Variants in NCAM2 observed in about 807,000 individuals in gnomAD.
NCAM2 encodes the protein neural cell adhesion molecule 2, also known as N-CAM-2.
In NCAM2, 30 loss-of-function variants were observed where a neutral mutation model predicts 98.1. The observed-to-expected ratio is 0.31, with a 90% CI of 0.23 to 0.41. NCAM2 has a LOEUF of 0.41. Among genes scored for constraint, NCAM2 ranks in the 10% least tolerant of loss-of-function variants. The probability of loss-of-function intolerance (pLI) is 1.00; values close to 1 mark genes in which losing one functional copy is unlikely to be tolerated. For synonymous variants in NCAM2, 368 were observed against 342.4 expected (o/e 1.07, Z -0.83); for missense variants, 867 against 1,005.8 (o/e 0.86, Z 1.87).
chr21:21,105,431 T>C (rs989372974), intron 1 of NCAM2, among the ~76,000 whole-genome samples: 1 of 151,948 alleles, frequency 6.6e-6, no homozygotes, highest in Admixed American at 6.6e-5. Flanking sequence ...TTGATTAGAG[T>C]AGAACAGCCA....
intron 16 of NCAM2, among the ~76,000 whole-genome samples, chr21:21,516,919 T>G (rs1243605615): frequency 1.3e-5 from 2 of 152,186 alleles, no homozygotes; most frequent in Non-Finnish European, 2.9e-5. Context: ...TTCTCTTTCT[T>G]TATGTATAAT....
rs180964316 is a variant in NCAM2, at chr21:21,130,392, A to G, written c.55+131774A>G. On this transcript the variant is annotated intron_variant, in intron 1 of 17. Transcript: ENST00000400546. Reference sequence around the variant, plus strand: ...AACATTTCTTTTTTAAGGAATTTTTAGTCAATACTGGCAGTCCTCAAAGAT... The same window carrying G: ...AACATTTCTTTTTTAAGGAATTTTTGGTCAATACTGGCAGTCCTCAAAGAT... Among the ~76,000 whole-genome samples the G allele has an allele frequency of 8.5e-5, 13 of 152,252 alleles. No homozygotes were observed. In the East Asian group the frequency reaches 2.5e-3, roughly 29 times the overall value.
chr21:21,249,446 C>A (rs2147279117), intron 1 of NCAM2, among the ~76,000 whole-genome samples: 1 of 152,276 alleles, frequency 6.6e-6, no homozygotes, highest in East Asian at 1.9e-4. Context: ...CCAACCAGGG[C>A]AGTTAGTTCG....
At chr21:21,219,852 G>A (rs1009546914) in intron 1 of NCAM2, among the ~76,000 whole-genome samples, 1 of 152,154 alleles carries the variant, frequency 6.6e-6, no homozygotes. Flanking sequence ...GTAAAAGACA[G>A]TGATATTGAT....
chr21:21,253,524 A>G (rs567937402), intron 1 of NCAM2, among the ~76,000 whole-genome samples: 2 of 152,262 alleles, frequency 1.3e-5, no homozygotes, highest in East Asian at 3.9e-4. Flanking sequence ...GGACACAGCT[A>G]GAAGGCTCCA....
intron 1 of NCAM2, among the ~76,000 whole-genome samples, chr21:21,279,507 T>C (rs559071180): frequency 1.3e-5 from 2 of 152,210 alleles, no homozygotes; most frequent in South Asian, 4.1e-4. Context: ...TACAGGCTTC[T>C]GCCACCACAC....
chr21:21,305,536 A>G (rs1446773218), intron 5 of NCAM2, among the ~76,000 whole-genome samples: 2 of 151,874 alleles, frequency 1.3e-5, no homozygotes, highest in Non-Finnish European at 2.9e-5. Flanking sequence ...ATGTTTTTAG[A>G]TATAGGCTTT....
At chr21:21,191,996 C>T (rs1396018273) in intron 1 of NCAM2, among the ~76,000 whole-genome samples, 6 of 151,960 alleles carry the variant, frequency 3.9e-5, no homozygotes, top group African/African-American at 9.7e-5. Context: ...CCGAGGCAGG[C>T]GGATCACCTG....
Position 21,222,310 on chromosome 21 carries a change from A to G in NCAM2, c.56-58268A>G, listed in dbSNP as rs186384368. Among the ~76,000 whole-genome samples the G allele has an allele frequency of 1.6e-3, 251 of 152,286 alleles. 2 individuals are homozygous for G. The highest frequency in any genetic ancestry group is 5.7e-3 in the African/African-American group (238 of 41,564). ...GATCAAGCAGTAATCTCAACTTTCA[A>G]GTCTTATTATTAAAGCAATACATTT... On this transcript the variant is annotated intron_variant, in intron 1 of 17. Coordinates refer to ENST00000400546, the MANE Select transcript of NCAM2 (RefSeq NM_004540.5).
chr21:21,363,759 A>G (rs143131538), intron 8 of NCAM2, among the ~76,000 whole-genome samples: 1 of 152,084 alleles, frequency 6.6e-6, no homozygotes, highest in African/African-American at 2.4e-5. Flanking sequence ...TACTCTATCA[A>G]TGGTTTATGG....
chr21:21,099,492 T>C (rs2066194073), intron 1 of NCAM2, among the ~76,000 whole-genome samples: 1 of 151,768 alleles, frequency 6.6e-6, no homozygotes, highest in South Asian at 2.1e-4. Context: ...GAGAGAGAAG[T>C]GCTAAGCAAA....
At chr21:21,475,228 C>T (rs1487492984) in intron 14 of NCAM2, among the ~76,000 whole-genome samples, 4 of 151,960 alleles carry the variant, frequency 2.6e-5, no homozygotes, top group Non-Finnish European at 4.4e-5. Context: ...AGAAAAATGG[C>T]GCTAGAGTGT....
intron 1 of NCAM2, among the ~76,000 whole-genome samples, chr21:21,071,693 T>G (rs1420553895): frequency 6.6e-6 from 1 of 152,068 alleles, no homozygotes; most frequent in Non-Finnish European, 1.5e-5. Flanking sequence ...TTTCCTCTGG[T>G]TTTTCAAAAA....
chr21:21,314,698 C>T (rs898498055), intron 5 of NCAM2, among the ~76,000 whole-genome samples: 7 of 152,124 alleles, frequency 4.6e-5, no homozygotes, highest in African/African-American at 1.4e-4. Flanking sequence ...GGATAACTTC[C>T]ATTTGTAATT....
At chr21:21,346,334 T>C (rs1002092311) in intron 8 of NCAM2, among the ~76,000 whole-genome samples, 2 of 151,844 alleles carry the variant, frequency 1.3e-5, no homozygotes, top group Non-Finnish European at 2.9e-5. Context: ...AGCAGGAGGA[T>C]ATAATAATTT....
intron 1 of NCAM2, among the ~76,000 whole-genome samples, chr21:21,039,460 C>T (rs1338434482): frequency 6.6e-6 from 1 of 152,126 alleles, no homozygotes; most frequent in African/African-American, 2.4e-5. Flanking sequence ...ATGTTCCCAA[C>T]ACATAAAAAT....
chr21:21,116,949 G>A (rs148567998), intron 1 of NCAM2, among the ~76,000 whole-genome samples: 128 of 152,030 alleles, frequency 8.4e-4, no homozygotes, highest in African/African-American at 3.0e-3. Context: ...AAATTTTAAG[G>A]CGATAATTTT....
intron 1 of NCAM2, among the ~76,000 whole-genome samples, chr21:21,023,533 AAG>A (rs2064480554): frequency 2.6e-5 from 4 of 151,698 alleles, no homozygotes; most frequent in African/African-American, 9.7e-5. Flanking sequence ...AAAAAAAAAA[AAG>A]AAGAAGAAGG....
Position 21,160,613 on chromosome 21 carries a change from T to G in NCAM2, c.56-119965T>G, listed in dbSNP as rs143906996. ...TCTCATATCAGTAAAATTGGATGAA[T>G]CTCATCTGTGAAATCATTTCTTTAT... On this transcript the variant is annotated intron_variant, in intron 1 of 17. Transcript: ENST00000400546. 3.4e-3 allele frequency among the ~76,000 whole-genome samples: 522 copies of G among 152,118 alleles called. 1 individual carries two copies. Among genetic ancestry groups the G allele is most frequent in the African/African-American group, 0.012 (491 of 41,548 alleles).
Sources: gnomAD v4.1 joint callset for allele counts (sites outside exome capture counted in the v4.1 genomes callset) on GRCh38, gnomAD v4.1.1 for gene constraint, MANE v1.5 for transcripts, NCBI Gene and HGNC (gene_info 2026-07-23, HGNC 2026-07-21) for gene names.